The following ADPRH variants were observed in gnomAD, a reference collection of about 807,000 sequenced individuals.
The protein encoded by ADPRH is ADP-ribosylarginine hydrolase, also known as ADP-ribose-L-arginine cleaving enzyme.
In ADPRH, 27 loss-of-function variants were observed where a neutral mutation model predicts 28.8. That is an observed-to-expected ratio of 0.94 (90% CI 0.69 to 1.29). The LOEUF (loss-of-function observed/expected upper bound fraction) is 1.29. Ranked by LOEUF, ADPRH falls within the 50% of genes most tolerant of loss-of-function variation. The pLI is 0.00. For synonymous variants in ADPRH, 161 were observed against 166.9 expected (o/e 0.96, Z 0.27); for missense variants, 419 against 444.8 (o/e 0.94, Z 0.52).
rs758479726 is a variant in ADPRH, at chr3:119,582,272, C to T, written c.103C>T (p.Arg35Trp). The change falls in exon 3 of 5, where the codon CGG becomes TGG. Residue 35 changes from arginine (R) to tryptophan (W), a missense_variant. Arg to Trp is a moderately radical substitution (Grantham distance 101). Transcript: ENST00000357003. Reference protein sequence around the residue: ...EFLQDGEKIHRQLAQLGGLDA... With the variant: ...EFLQDGEKIHWQLAQLGGLDA... ...CCTCCAGGATGGGGAGAAGATACAC[C>T]GGCAGTTGGCCCAGCTGGGCGGCTT... 8.1e-6 allele frequency: 13 copies of T among 1,614,030 alleles called. No homozygotes were observed. The highest frequency in any genetic ancestry group is 1.6e-4 in the Middle Eastern group (1 of 6,084).
rs760879854 is a variant in ADPRH, at chr3:119,587,756, T to C, written c.952T>C (p.Tyr318His). The C allele has an allele frequency of 8.1e-6, 13 of 1,614,062 alleles. No homozygotes were observed. The African/African-American group carries it at 1.3e-4, about 17-fold the overall frequency. The change falls in exon 5 of 5, where the codon TAT becomes CAT. Residue 318 changes from tyrosine (Y) to histidine (H), a missense_variant. Transcript: ENST00000357003. The stretch of plus-strand genomic sequence containing the variant: ...TGCTGGCTGCTGGTGGGGAGTTATG[T>C]ATGGTTTTAAAGGAGTGAGTCCCTC... ...AIAGCWWGVMYGFKGVSPSNY... is the reference protein window; with the variant it reads ...AIAGCWWGVMHGFKGVSPSNY...
intron 2 of ADPRH, among the ~76,000 whole-genome samples, chr3:119,581,734 A>G (rs1156851675): frequency 6.6e-6 from 1 of 152,184 alleles, no homozygotes; most frequent in Non-Finnish European, 1.5e-5. Flanking sequence ...CTAAGGCCAA[A>G]TCCCAGCTAA....
intron 2 of ADPRH, among the ~76,000 whole-genome samples, chr3:119,581,818 C>G (rs1445908363): frequency 6.6e-6 from 1 of 152,162 alleles, no homozygotes; most frequent in East Asian, 1.9e-4. Context: ...GCAAGAGATA[C>G]AGTTGTAGTT....
chr3:119,584,883 A>T (rs975289458), intron 3 of ADPRH, among the ~76,000 whole-genome samples: 4 of 152,088 alleles, frequency 2.6e-5, no homozygotes, highest in African/African-American at 9.7e-5. Context: ...GTGTCCTCAC[A>T]TGGTCTTTCC....
rs140071374 is a variant in ADPRH at position 119,588,316 on chromosome 3, G to A, written c.*438G>A. 9.4e-3 allele frequency: 1,456 copies of A among 154,544 alleles called. 92 individuals are homozygous for A. Among genetic ancestry groups the A allele is most frequent in the Admixed American group, 0.087 (1,332 of 15,366 alleles). The allele number at this position is 154,544 out of a possible 1,614,324, so 9.6% of individuals were successfully genotyped here. A position where few individuals can be genotyped will look rare whatever the true frequency, so the allele number is the denominator to read the frequency against. ...GAAATGAAACCAGGAAGGGAAGAGAGCTAGTATGGGGTATGTTAATGAGCA... is the reference window on the plus strand; with the variant it reads ...GAAATGAAACCAGGAAGGGAAGAGAACTAGTATGGGGTATGTTAATGAGCA... On this transcript the variant is annotated 3_prime_UTR_variant, in exon 5 of 5. Transcript: ENST00000357003.
chr3:119,584,281 G>A (rs1053193528), intron 3 of ADPRH, among the ~76,000 whole-genome samples: 7 of 151,836 alleles, frequency 4.6e-5, no homozygotes, highest in African/African-American at 9.7e-5. Flanking sequence ...AGAAAAATGC[G>A]GCTAGGCATG....
chr3:119,582,423 A>G lies in ADPRH; in HGVS notation c.254A>G (p.Lys85Arg). Residue 85 changes from lysine to arginine, a missense_variant, in exon 3 of 5, where the codon AAG (lysine) becomes AGG (arginine). By Grantham distance (26) the Lys-to-Arg change is conservative. Coordinates refer to ENST00000357003, the MANE Select transcript of ADPRH (RefSeq NM_001125.4). ...KLTQLYYLLA[K>R]HYQDCMEDMD... ...ACTCAACTGTATTACCTCCTTGCTA[A>G]GCATTACCAAGACTGCATGGAAGAC... is the stretch of plus-strand genomic sequence containing the variant. 6.2e-7 allele frequency: 1 copy of G among 1,613,974 alleles called. No individual in the cohort carries two copies. Among genetic ancestry groups the G allele is most frequent in the Non-Finnish European group, 8.5e-7 (1 of 1,179,914 alleles).
chr3:119,586,188 A>C, intron 3 of ADPRH, 97 bp from the exon 4 acceptor site: 3 of 1,554,922 alleles, frequency 1.9e-6, no homozygotes, highest in Non-Finnish European at 2.6e-6. Context: ...CTCCCTTTCC[A>C]TCAAAAATAC....
At position 119,587,519 on chromosome 3, in the gene ADPRH, G is replaced by A. The variant is rs748552525; in HGVS notation, c.715G>A (p.Gly239Arg). ...NYLKLRGILD[G>R]ESAPTFPESF... Reference sequence around the variant, plus strand: ...CCTAAAACTTAGAGGGATTTTGGATGGAGAATCAGCCCCTACCTTCCCTGA... The same window carrying A: ...CCTAAAACTTAGAGGGATTTTGGATAGAGAATCAGCCCCTACCTTCCCTGA... Residue 239 changes from glycine (G) to arginine (R), a missense_variant, in exon 5 of 5, where the codon GGA becomes AGA. Transcript: ENST00000357003. The A allele has an allele frequency of 5.2e-5, 83 of 1,593,066 alleles. No individual in the cohort carries two copies. The highest frequency in any genetic ancestry group is 6.8e-5 in the Non-Finnish European group (80 of 1,168,326).
In ADPRH at chr3:119,588,016, T is replaced by A; in HGVS notation, c.*138T>A. ...GAGATAACAAGTCCCTTGGGCACCTTAAGCTCAGTTTTTTCAGGCTCATCC... is the reference window on the plus strand; with the variant it reads ...GAGATAACAAGTCCCTTGGGCACCTAAAGCTCAGTTTTTTCAGGCTCATCC... On this transcript the variant is annotated 3_prime_UTR_variant, in exon 5 of 5. Transcript: ENST00000357003. 1.1e-6 allele frequency: 1 copy of A among 903,656 alleles called. No individual in the cohort carries two copies. Among genetic ancestry groups the A allele is most frequent in the Non-Finnish European group, 1.6e-6 (1 of 630,470 alleles). 56.0% of individuals were successfully genotyped at this position (903,656 alleles called of 1,614,324 possible).
At chr3:119,583,046 G>C (rs1249910368) in intron 3 of ADPRH, among the ~76,000 whole-genome samples, 1 of 152,074 alleles carries the variant, frequency 6.6e-6, no homozygotes. Context: ...AAAAAGGCTG[G>C]GGACTACAAC....
At chr3:119,582,083 G>GTTT in intron 2 of ADPRH, 51 bp from the exon 3 acceptor site, 2 of 651,114 alleles carry the variant, frequency 3.1e-6, no homozygotes, top group Non-Finnish European at 5.0e-6. Context: ...TGTTTTTTCT[G>GTTT]ATTCTTCTTG....
chr3:119,584,334 G>A (rs2082437847), intron 3 of ADPRH, among the ~76,000 whole-genome samples: 1 of 151,894 alleles, frequency 6.6e-6, no homozygotes, highest in East Asian at 1.9e-4. Context: ...AGGCCAAGGC[G>A]GGCAGATCAT....
rs1157133917 is a variant in ADPRH at position 119,587,851 on chromosome 3, A to G, written c.1047A>G (p.Ser349=). ...CTAGGGCTTTATATTCTCTCGGGTC[A>G]AAAGAAGACACTGTAATTTCCCTTT... ...ETARALYSLG[S]KEDTVISL is the part of the protein sequence containing the mutation. The change falls in exon 5 of 5, where the codon TCA becomes TCG. Residue 349 remains serine, a synonymous_variant. Transcript: ENST00000357003. 30 of 1,604,934 alleles carry G rather than the reference A, an allele frequency of 1.9e-5. No homozygotes were observed. Among genetic ancestry groups the G allele is most frequent in the Non-Finnish European group, 2.6e-5 (30 of 1,174,838 alleles).
Position 119,586,300 on chromosome 3 carries a change from A to C in ADPRH, c.314A>C (p.His105Pro), listed in dbSNP as rs778885533. The change falls in exon 4 of 5, where the codon CAC (histidine) becomes CCC (proline). Residue 105 changes from histidine (H) to proline (P), a missense_variant. Coordinates refer to ENST00000357003, the MANE Select transcript of ADPRH (RefSeq NM_001125.4). ...DGRAPGGASV[H>P]NAMQLKPGKP... ...TCTTCCCCAGGTGGTGCCTCGGTGC[A>C]CAACGCCATGCAGCTGAAGCCGGGC... 8 of 1,613,304 alleles carry C rather than the reference A, an allele frequency of 5.0e-6. No homozygotes were observed. The highest frequency in any genetic ancestry group is 1.1e-5 in the South Asian group (1 of 91,046).
rs2082484321 is a variant in ADPRH at position 119,588,285 on chromosome 3, A to T, written c.*407A>T. The T allele has an allele frequency of 6.4e-6, 1 of 155,828 alleles. No homozygotes were observed. The highest frequency in any genetic ancestry group is 1.4e-5 in the Non-Finnish European group (1 of 70,808). The allele number at this position is 155,828 out of a possible 1,614,324, so 9.7% of individuals were successfully genotyped here. ...TGATTCCAGGAAATACCGATATGAG[A>T]ATGGGGAAATGAAACCAGGAAGGGA... On this transcript the variant is annotated 3_prime_UTR_variant, in exon 5 of 5. Coordinates refer to ENST00000357003, the MANE Select transcript of ADPRH (RefSeq NM_001125.4).
rs1184039537 is a variant in ADPRH, at chr3:119,587,492, T to A, written c.688T>A (p.Tyr230Asn). The A allele has an allele frequency of 6.4e-7, 1 of 1,557,798 alleles. No individual in the cohort carries two copies. Among genetic ancestry groups the A allele is most frequent in the Non-Finnish European group, 8.7e-7 (1 of 1,151,696 alleles). Residue 230 changes from tyrosine to asparagine, a missense_variant, in exon 5 of 5, where the codon TAC becomes AAC. Transcript: ENST00000357003. ...CTACTTCCAAACCAAATGGGAAAAT[T>A]ACCTAAAACTTAGAGGGATTTTGGA... Reference protein sequence around the residue: ...WSYFQTKWENYLKLRGILDGE... With the variant: ...WSYFQTKWENNLKLRGILDGE...
In ADPRH at chr3:119,587,664, A is replaced by G; in HGVS notation, c.860A>G (p.Asp287Gly). 6.2e-7 allele frequency: 1 copy of G among 1,613,358 alleles called. No homozygotes were observed. The highest frequency in any genetic ancestry group is 1.1e-5 in the South Asian group (1 of 90,998). ...TACGATGCTGTTCTTGCTGCAGGAGACTCCTGGAAGGAGCTTGCCCACCGA... is the reference window on the plus strand; with the variant it reads ...TACGATGCTGTTCTTGCTGCAGGAGGCTCCTGGAAGGAGCTTGCCCACCGA... The part of the protein sequence containing the change: ...IAYDAVLAAG[D>G]SWKELAHRAF... Residue 287 changes from aspartate (D) to glycine (G), a missense_variant, in exon 5 of 5, where the codon GAC becomes GGC. By Grantham distance (94) the Asp-to-Gly change is moderately conservative (BLOSUM62 -1). Coordinates refer to ENST00000357003, the MANE Select transcript of ADPRH (RefSeq NM_001125.4).
chr3:119,580,325 G>A (rs2082394670), intron 1 of ADPRH: 1 of 152,206 alleles, frequency 6.6e-6, no homozygotes, highest in African/African-American at 2.4e-5. Flanking sequence ...CGGAACTTCC[G>A]AGAGCCTATA....
Sources: allele counts gnomAD v4.1 joint callset (sites outside exome capture counted in the v4.1 genomes callset), GRCh38; gene constraint gnomAD v4.1.1; transcripts MANE v1.5; gene names NCBI Gene and HGNC (gene_info 2026-07-23, HGNC 2026-07-21).